The following ANK1 variants were observed in gnomAD, a reference collection of about 807,000 sequenced individuals.
ANK1 encodes ankyrin-1.
In ANK1, 51 loss-of-function variants were observed where a neutral mutation model predicts 210.4. The ratio of observed to expected loss-of-function variants is 0.24; its 90% confidence interval spans 0.19 to 0.31. ANK1 has a LOEUF of 0.31. Among genes scored for constraint, ANK1 ranks in the 10% least tolerant of loss-of-function variants. The pLI is 1.00. For synonymous variants in ANK1, 967 were observed against 1,025.9 expected (o/e 0.94, Z 1.10); for missense variants, 2,051 against 2,504.4 (o/e 0.82, Z 3.86).
chr8:41,893,975 C>CT (rs1284152996), intron 1 of ANK1, among the ~76,000 whole-genome samples: 1 of 152,176 alleles, frequency 6.6e-6, no homozygotes. Context: ...TCAAATGCTC[C>CT]TTTCTGCACT....
intron 24 of ANK1, among the ~76,000 whole-genome samples, chr8:41,697,497 T>C (rs1821394331): frequency 6.6e-6 from 1 of 152,088 alleles, no homozygotes; most frequent in Non-Finnish European, 1.5e-5. Flanking sequence ...CCAGCCACCT[T>C]GGGGCTGGTT....
rs963575012 is a variant in ANK1, at chr8:41,864,063, G to A, written c.126+32292C>T. On this transcript the variant is annotated intron_variant, in intron 1 of 42. Transcript: ENST00000265709. ...ATCGAGATCCAGAGCATCCTGGCTAGCACGGTGAAACCCCGTCTCTACTAA... is the reference window on the plus strand; with the variant it reads ...ATCGAGATCCAGAGCATCCTGGCTAACACGGTGAAACCCCGTCTCTACTAA... Among the ~76,000 whole-genome samples, 5 of 151,972 alleles carry A rather than the reference G, an allele frequency of 3.3e-5. No homozygotes were observed. In the East Asian group the frequency reaches 7.7e-4, roughly 24 times the overall value.
chr8:41,717,973 T>C (rs1392594622), intron 11 of ANK1, 133 bp downstream of exon 11: 3 of 899,576 alleles, frequency 3.3e-6, no homozygotes, highest in South Asian at 2.8e-5. Flanking sequence ...CCTGATTCAT[T>C]CCTTCCAGCA....
intron 29 of ANK1, 142 bp downstream of exon 29, chr8:41,693,756 C>G (rs1334067494): frequency 6.3e-6 from 6 of 950,082 alleles, no homozygotes; most frequent in Non-Finnish European, 4.8e-6. Flanking sequence ...ATCCTTCCAT[C>G]TCTTGGAAGA....
At chr8:41,853,871 C>T (rs976813724) in intron 1 of ANK1, among the ~76,000 whole-genome samples, 2 of 152,154 alleles carry the variant, frequency 1.3e-5, no homozygotes, top group South Asian at 2.1e-4. Context: ...AGCGATCCTC[C>T]CACCTCAGTC....
chr8:41,871,525 G>C lies in ANK1; in HGVS notation c.126+24830C>G, dbSNP rs923556636. Among the ~76,000 whole-genome samples, 3 of 152,276 alleles carry C rather than the reference G, an allele frequency of 2.0e-5. No individual in the cohort carries two copies. The South Asian group carries it at 6.2e-4, about 32-fold the overall frequency. On this transcript the variant is annotated intron_variant, in intron 1 of 42. Coordinates refer to the ANK1 transcript ENST00000265709. ...GCAGACACAGAGGCAGATGCAGGGA[G>C]AGCACCATACGAAGAAGATCGGGGG...
intron 1 of ANK1, among the ~76,000 whole-genome samples, chr8:41,888,008 C>T (rs1009722696): frequency 1.3e-5 from 2 of 152,190 alleles, no homozygotes; most frequent in African/African-American, 4.8e-5. Flanking sequence ...ATGTGTGTGT[C>T]GTACTTAAAG....
intron 16 of ANK1, among the ~76,000 whole-genome samples, chr8:41,712,777 C>CCCAT (rs1438603732): frequency 5.9e-5 from 9 of 152,198 alleles, no homozygotes; most frequent in Non-Finnish European, 1.3e-4. Context: ...GGAAACAAAG[C>CCCAT]CCATCTGTAC....
intron 29 of ANK1, among the ~76,000 whole-genome samples, chr8:41,693,403 C>T (rs942948014): frequency 7.0e-6 from 1 of 142,166 alleles, no homozygotes; most frequent in African/African-American, 2.6e-5. Context: ...AGAGTTCTTC[C>T]CCAGGGGCAT....
At chr8:41,743,618 A>G (rs1039982198) in intron 2 of ANK1, among the ~76,000 whole-genome samples, 2 of 152,160 alleles carry the variant, frequency 1.3e-5, no homozygotes, top group African/African-American at 4.8e-5. Context: ...AGGACAGCTA[A>G]TGGAGTGGTT....
At chr8:41,729,909 A>G (rs1178241372) in intron 3 of ANK1, among the ~76,000 whole-genome samples, 1 of 152,172 alleles carries the variant, frequency 6.6e-6, no homozygotes, top group Non-Finnish European at 1.5e-5. Flanking sequence ...CCTCCACTCC[A>G]TGCTTCTGTC....
At chr8:41,824,121 G>A (rs1481293635) in intron 1 of ANK1, among the ~76,000 whole-genome samples, 1 of 151,888 alleles carries the variant, frequency 6.6e-6, no homozygotes, top group Non-Finnish European at 1.5e-5. Context: ...CACCATGCCT[G>A]GTTAATTTTT....
At chr8:41,717,984 G>A in intron 11 of ANK1, 122 bp downstream of exon 11, 1 of 960,020 alleles carries the variant, frequency 1.0e-6, no homozygotes, top group Non-Finnish European at 1.6e-6. Context: ...CCTTCCAGCA[G>A]TCCAGACTTG....
At chr8:41,777,643 T>C (rs1168527025) in intron 1 of ANK1, among the ~76,000 whole-genome samples, 1 of 152,188 alleles carries the variant, frequency 6.6e-6, no homozygotes, top group Non-Finnish European at 1.5e-5. Context: ...AACAATGTTA[T>C]GGTTGTGTTG....
intron 9 of ANK1, among the ~76,000 whole-genome samples, chr8:41,720,818 G>A (rs1829054751): frequency 6.6e-6 from 1 of 152,088 alleles, no homozygotes; most frequent in Non-Finnish European, 1.5e-5. Flanking sequence ...AGCAGCAAGT[G>A]CAACATCACA....
At chr8:41,705,981 G>A (rs1176778164) in intron 18 of ANK1, among the ~76,000 whole-genome samples, 162 bp downstream of exon 18, 1 of 152,236 alleles carries the variant, frequency 6.6e-6, no homozygotes, top group Non-Finnish European at 1.5e-5. Context: ...GGGAAAGTCA[G>A]GTAATTAGGA....
chr8:41,875,627 A>G (rs1816408756), intron 1 of ANK1, among the ~76,000 whole-genome samples: 2 of 152,174 alleles, frequency 1.3e-5, no homozygotes, highest in African/African-American at 4.8e-5. Flanking sequence ...CTCCTGTGCC[A>G]GGGATGCGTG....
upstream of ANK1, among the ~76,000 whole-genome samples, chr8:41,801,150 C>T (rs1312976640): frequency 5.3e-5 from 8 of 152,132 alleles, no homozygotes; most frequent in Non-Finnish European, 2.9e-5. Context: ...CATTCTGTCA[C>T]CCAGGCTTGT....
At chr8:41,688,105 A>C (rs1244802023) in intron 35 of ANK1, 51 bp downstream of exon 35, 1 of 1,559,190 alleles carries the variant, frequency 6.4e-7, no homozygotes, top group East Asian at 2.2e-5. Flanking sequence ...ACAGGGGAAG[A>C]GGGTAGGTGA....
Sources: gnomAD v4.1 joint callset for allele counts (sites outside exome capture counted in the v4.1 genomes callset) on GRCh38, gnomAD v4.1.1 for gene constraint, MANE v1.5 for transcripts, NCBI Gene and HGNC (gene_info 2026-07-23, HGNC 2026-07-21) for gene names.